Variants in CSMD1 observed in about 807,000 individuals in gnomAD.
CSMD1 encodes the protein CUB and Sushi multiple domains 1.
A neutral mutation model predicts 417.5 loss-of-function variants in CSMD1; 213 were observed. That is an observed-to-expected ratio of 0.51 (90% CI 0.46 to 0.57). CSMD1 has a LOEUF of 0.57. Ranked by LOEUF, CSMD1 falls within the 20% of genes least tolerant of loss-of-function variation. The probability of loss-of-function intolerance (pLI) is 0.00; values close to 1 mark genes in which losing one functional copy is unlikely to be tolerated. For synonymous variants in CSMD1, 2,862 were observed against 1,736.8 expected (o/e 1.65, Z -16.11); for missense variants, 6,923 against 4,529.7 (o/e 1.53, Z -15.17).
intron 5 of CSMD1, among the ~76,000 whole-genome samples, chr8:3,981,085 G>C (rs949210493): frequency 1.3e-5 from 2 of 152,086 alleles, no homozygotes; most frequent in African/African-American, 4.8e-5. Context: ...TCCTTCCAAG[G>C]ACTTGCTATT....
intron 5 of CSMD1, among the ~76,000 whole-genome samples, chr8:3,918,101 T>C (rs1311841839): frequency 2.6e-5 from 4 of 152,102 alleles, no homozygotes; most frequent in Admixed American, 2.0e-4. Context: ...TTGATCAAAG[T>C]GCATTTATGT....
At chr8:3,997,465 G>C (rs17068473) in intron 5 of CSMD1, among the ~76,000 whole-genome samples, 1 of 152,020 alleles carries the variant, frequency 6.6e-6, no homozygotes, top group African/African-American at 2.4e-5. Flanking sequence ...GGTGGCTACA[G>C]AATGTGGTAC....
chr8:4,321,333 A>G (rs1376440309), intron 3 of CSMD1, among the ~76,000 whole-genome samples: 6 of 152,054 alleles, frequency 3.9e-5, no homozygotes, highest in African/African-American at 9.7e-5. Flanking sequence ...AAATGGCCAT[A>G]CGTCTTCTCT....
chr8:4,621,827 C>T (rs140468867), intron 2 of CSMD1, among the ~76,000 whole-genome samples: 1 of 151,808 alleles, frequency 6.6e-6, no homozygotes, highest in Admixed American at 6.6e-5. Context: ...ATCTAGTGTA[C>T]CTTACGACCA....
chr8:4,954,840 G>A (rs1276853426), intron 1 of CSMD1, among the ~76,000 whole-genome samples: 2 of 152,142 alleles, frequency 1.3e-5, no homozygotes, highest in Non-Finnish European at 2.9e-5. Context: ...TTTGCTTTTG[G>A]TGTTGACAAG....
intron 1 of CSMD1, among the ~76,000 whole-genome samples, chr8:4,909,070 A>T (rs1805492281): frequency 6.6e-6 from 1 of 152,182 alleles, no homozygotes; most frequent in African/African-American, 2.4e-5. Context: ...ATTTGTGTTA[A>T]TCGGACTAGG....
chr8:4,339,587 T>C (rs971421913), intron 3 of CSMD1, among the ~76,000 whole-genome samples: 6 of 152,130 alleles, frequency 3.9e-5, no homozygotes, highest in African/African-American at 1.4e-4. Context: ...TATTTCATCG[T>C]GCAAAGAACA....
chr8:4,639,550 C>G (rs1295328429), intron 1 of CSMD1, among the ~76,000 whole-genome samples: 2 of 152,104 alleles, frequency 1.3e-5, no homozygotes, highest in Admixed American at 1.3e-4. Flanking sequence ...CCATTTCCCA[C>G]TAATGTGCTT....
Position 4,478,483 on chromosome 8 carries a change from TC to T in CSMD1, c.303-58419del, listed in dbSNP as rs369580000. ...GAATCAATAGTTTCTTCATTAGCTT[TC>T]CCCCCCAAAAAAACTGAAAGTAGAT... On this transcript the variant is annotated intron_variant, in intron 2 of 69. Transcript: ENST00000635120. Among the ~76,000 whole-genome samples, 1,270 of 151,872 alleles carry T rather than the reference TC, an allele frequency of 8.4e-3. 21 individuals carry two copies. The highest frequency in any genetic ancestry group is 0.028 in the African/African-American group (1,179 of 41,424).
chr8:4,780,057 G>C (rs182449318), intron 1 of CSMD1, among the ~76,000 whole-genome samples: 1 of 152,116 alleles, frequency 6.6e-6, no homozygotes, highest in African/African-American at 2.4e-5. Flanking sequence ...GACCCTCATG[G>C]GGCACGTACT....
At chr8:3,542,561 T>G (rs578034611) in intron 10 of CSMD1, among the ~76,000 whole-genome samples, 1 of 152,260 alleles carries the variant, frequency 6.6e-6, no homozygotes, top group South Asian at 2.1e-4. Flanking sequence ...GGAACAGGGT[T>G]ATAGACAGGA....
chr8:4,967,305 G>C (rs1292102661), intron 1 of CSMD1, among the ~76,000 whole-genome samples: 1 of 152,092 alleles, frequency 6.6e-6, no homozygotes, highest in Non-Finnish European at 1.5e-5. Context: ...GGCATTTTAA[G>C]TTGTCCTTCT....
intron 36 of CSMD1, among the ~76,000 whole-genome samples, chr8:3,184,626 A>T (rs1301374372): frequency 1.3e-5 from 2 of 152,196 alleles, no homozygotes; most frequent in Non-Finnish European, 1.5e-5. Context: ...TGCACATTTT[A>T]TTTCTATACA....
intron 7 of CSMD1, among the ~76,000 whole-genome samples, chr8:3,705,423 G>C (rs12544104): frequency 7.2e-5 from 11 of 152,074 alleles, no homozygotes; most frequent in South Asian, 4.1e-4. Flanking sequence ...GTCTGGCTTT[G>C]GTGAAGCCAG....
At chr8:4,851,309 G>C (rs923709868) in intron 1 of CSMD1, among the ~76,000 whole-genome samples, 1 of 151,802 alleles carries the variant, frequency 6.6e-6, no homozygotes, top group Non-Finnish European at 1.5e-5. Flanking sequence ...AGTATTCTAT[G>C]GTGTATACAT....
intron 26 of CSMD1, among the ~76,000 whole-genome samples, chr8:3,231,233 G>C (rs911621595): frequency 1.3e-5 from 2 of 152,168 alleles, no homozygotes; most frequent in Non-Finnish European, 2.9e-5. Flanking sequence ...CCAAAGCTTA[G>C]ATTTTTTCTC....
chr8:4,201,851 C>G (rs1438765323), intron 3 of CSMD1, among the ~76,000 whole-genome samples: 1 of 140,166 alleles, frequency 7.1e-6, no homozygotes, highest in African/African-American at 2.8e-5. Context: ...TTAATTGTGT[C>G]TAATTAACAG....
chr8:3,226,309 G>A (rs1330155474), intron 27 of CSMD1, among the ~76,000 whole-genome samples: 3 of 152,136 alleles, frequency 2.0e-5, no homozygotes, highest in South Asian at 2.1e-4. Flanking sequence ...GAAGCCGAAC[G>A]TGGTGGCTCA....
chr8:4,140,335 A>G (rs35668174), intron 3 of CSMD1, among the ~76,000 whole-genome samples: 3 of 150,662 alleles, frequency 2.0e-5, no homozygotes, highest in Admixed American at 6.6e-5. Flanking sequence ...CATCTCTACT[A>G]AAACAATACA....
Sources: allele counts gnomAD v4.1 joint callset (sites outside exome capture counted in the v4.1 genomes callset), GRCh38; gene constraint gnomAD v4.1.1; transcripts MANE v1.5; gene names NCBI Gene and HGNC (gene_info 2026-07-23, HGNC 2026-07-21).